ADGRL2: variants seen among roughly 807,000 people sequenced by gnomAD.
ADGRL2 encodes adhesion G protein-coupled receptor L2.
ADGRL2 carries 44 observed loss-of-function variants against 157.4 expected under a neutral mutation model. That is an observed-to-expected ratio of 0.28 (90% confidence interval 0.22 to 0.36). The LOEUF is 0.36. ADGRL2 is among the 10% of genes least tolerant of loss of function. The pLI, the probability that ADGRL2 is intolerant of heterozygous loss-of-function variation, is 1.00. For synonymous variants in ADGRL2, 585 were observed against 624.7 expected, an observed-to-expected ratio of 0.94 and a Z score of 0.95; for missense variants, 1,510 against 1,768.9, an observed-to-expected ratio of 0.85 and a Z score of 2.63.
intron 2 of ADGRL2, among the ~76,000 whole-genome samples, chr1:81,562,932 C>A (rs1250482806): frequency 6.6e-6 from 1 of 152,126 alleles, no homozygotes; most frequent in Non-Finnish European, 1.5e-5. Flanking sequence ...TTCATTTATT[C>A]ATTCGCCCAT....
chr1:81,650,017 G>C (rs56238556), intron 3 of ADGRL2, among the ~76,000 whole-genome samples: 119 of 151,352 alleles, frequency 7.9e-4, no homozygotes, highest in African/African-American at 2.8e-3. Flanking sequence ...CAAGTTTGTG[G>C]GGTTATTTGT....
chr1:81,698,376 GT>G (rs1336877528), upstream of ADGRL2, among the ~76,000 whole-genome samples: 1 of 152,170 alleles, frequency 6.6e-6, no homozygotes, highest in East Asian at 1.9e-4. Flanking sequence ...GCCTTCAAGA[GT>G]TTGTAGGTTA....
At chr1:81,672,981 G>C (rs2082906235) in intron 3 of ADGRL2, among the ~76,000 whole-genome samples, 1 of 152,192 alleles carries the variant, frequency 6.6e-6, no homozygotes, top group Non-Finnish European at 1.5e-5. Context: ...TTGTGACTGT[G>C]TACTAGTTCC....
intron 1 of ADGRL2, among the ~76,000 whole-genome samples, chr1:81,358,103 C>CG (rs1553156908): frequency 1.3e-5 from 2 of 151,908 alleles, no homozygotes; most frequent in Non-Finnish European, 2.9e-5. Context: ...ATCAAGCCCC[C>CG]AGCGTGAAAA....
At chr1:81,801,993 C>T (rs2088246698) in intron 1 of ADGRL2, among the ~76,000 whole-genome samples, 1 of 151,340 alleles carries the variant, frequency 6.6e-6, no homozygotes, top group Non-Finnish European at 1.5e-5. Context: ...CAGGAGCCGC[C>T]CGGCGCTGGC....
At chr1:81,707,074 C>T (rs1173379341) in intron 1 of ADGRL2, among the ~76,000 whole-genome samples, 2 of 152,116 alleles carry the variant, frequency 1.3e-5, no homozygotes. Context: ...ACTTGGTCTG[C>T]CGCGCTATTT....
At chr1:81,428,592 G>C (rs2077262824) in intron 1 of ADGRL2, among the ~76,000 whole-genome samples, 1 of 152,134 alleles carries the variant, frequency 6.6e-6, no homozygotes, top group Non-Finnish European at 1.5e-5. Context: ...AGAGGGAAGT[G>C]GGGGATGCAG....
At chr1:81,747,278 C>T (rs2149252207) in intron 1 of ADGRL2, among the ~76,000 whole-genome samples, 1 of 146,338 alleles carries the variant, frequency 6.8e-6, no homozygotes, top group African/African-American at 2.5e-5. Flanking sequence ...TGTATATATA[C>T]ATGTGCATAC....
rs181819298 is a variant in ADGRL2, at chr1:81,807,863, T to C, written c.-101+6795T>C. Among the ~76,000 whole-genome samples the C allele has an allele frequency of 6.6e-5, 10 of 152,014 alleles. No homozygotes were observed. The East Asian group carries it at 1.9e-3, about 29-fold the overall frequency. Reference sequence around the variant, plus strand: ...TCAAAAATATTTAACATTTTTTTCCTGAGATCATATATCTGCTGCACTAAG... The same window carrying C: ...TCAAAAATATTTAACATTTTTTTCCCGAGATCATATATCTGCTGCACTAAG... On this transcript the variant is annotated intron_variant, in intron 1 of 23. Coordinates refer to ENST00000686636, the MANE Select transcript of ADGRL2 (RefSeq NM_001366006.2).
At chr1:81,892,243 C>T (rs949822915) in intron 2 of ADGRL2, among the ~76,000 whole-genome samples, 7 of 151,894 alleles carry the variant, frequency 4.6e-5, no homozygotes, top group East Asian at 1.9e-4. Context: ...ACTCCTTGTC[C>T]GGAATTACTT....
chr1:81,673,177 C>A (rs1213397991), intron 3 of ADGRL2, among the ~76,000 whole-genome samples: 3 of 152,170 alleles, frequency 2.0e-5, no homozygotes, highest in Non-Finnish European at 2.9e-5. Context: ...TCATTTCAAG[C>A]CACACATACC....
chr1:81,506,627 C>G (rs2078980902), intron 2 of ADGRL2, among the ~76,000 whole-genome samples: 1 of 151,942 alleles, frequency 6.6e-6, no homozygotes, highest in South Asian at 2.1e-4. Flanking sequence ...AGAGGATCAC[C>G]TAAGGCCAGG....
intron 17 of ADGRL2, among the ~76,000 whole-genome samples, chr1:81,972,851 G>C (rs1431322882): frequency 6.6e-6 from 1 of 151,646 alleles, no homozygotes; most frequent in East Asian, 1.9e-4. Context: ...GCACAAGGCT[G>C]CGGTGAGCTA....
At chr1:81,835,358 T>C (rs910498432) in intron 1 of ADGRL2, among the ~76,000 whole-genome samples, 7 of 152,190 alleles carry the variant, frequency 4.6e-5, no homozygotes, top group Admixed American at 2.0e-4. Context: ...AAATTGTTCA[T>C]TGATGGCCTT....
At chr1:81,528,962 C>T (rs1011007057) in intron 2 of ADGRL2, among the ~76,000 whole-genome samples, 2 of 152,016 alleles carry the variant, frequency 1.3e-5, no homozygotes, top group Non-Finnish European at 2.9e-5. Flanking sequence ...TTTAAGAGGG[C>T]GATGAATAAG....
intron 10 of ADGRL2, among the ~76,000 whole-genome samples, chr1:81,955,054 G>A (rs1004137191): frequency 1.3e-5 from 2 of 152,168 alleles, no homozygotes; most frequent in Non-Finnish European, 2.9e-5. Context: ...CCTGCCTTCA[G>A]TTGATTAACT....
intron 2 of ADGRL2, among the ~76,000 whole-genome samples, chr1:81,859,658 T>G (rs953907109): frequency 3.9e-5 from 6 of 152,136 alleles, no homozygotes; most frequent in African/African-American, 1.4e-4. Flanking sequence ...TCCACCCACC[T>G]TGGCCTCCCA....
chr1:81,944,186 G>A (rs544466809), intron 6 of ADGRL2, among the ~76,000 whole-genome samples: 1 of 152,128 alleles, frequency 6.6e-6, no homozygotes, highest in South Asian at 2.1e-4. Flanking sequence ...GATGTACAAT[G>A]CCAGATATAT....
intron 3 of ADGRL2, among the ~76,000 whole-genome samples, chr1:81,916,318 T>A (rs1239533378): frequency 1.3e-5 from 2 of 152,162 alleles, no homozygotes; most frequent in African/African-American, 4.8e-5. Flanking sequence ...ATACTAATAA[T>A]ATAAAAATTT....
Sources: gnomAD v4.1 joint callset for allele counts (sites outside exome capture counted in the v4.1 genomes callset) on GRCh38, gnomAD v4.1.1 for gene constraint, MANE v1.5 for transcripts, NCBI Gene and HGNC (gene_info 2026-07-23, HGNC 2026-07-21) for gene names.